The following SCOC variants were observed in gnomAD, a reference collection of about 807,000 sequenced individuals.
SCOC encodes the protein short coiled coil protein.
In SCOC, 7 loss-of-function variants were observed where a neutral mutation model predicts 9.9. The observed-to-expected ratio is 0.71, with a 90% CI of 0.40 to 1.33. The LOEUF is 1.33. Among genes scored for constraint, SCOC ranks in the 40% most tolerant of loss-of-function variants. The pLI, the probability that SCOC is intolerant of heterozygous loss-of-function variation, is 0.01. For missense variants in SCOC, 66 were observed against 89.7 expected (o/e 0.74, Z 1.07); for synonymous variants, 19 against 28.2 (o/e 0.67, Z 1.03).
At chr4:140,302,258 G>A (rs548725004) in intron 1 of SCOC, among the ~76,000 whole-genome samples, 9 of 152,152 alleles carry the variant, frequency 5.9e-5, no homozygotes, top group African/African-American at 2.2e-4. Context: ...TAAGCTCATT[G>A]CATCTCCTGT....
intron 1 of SCOC, chr4:140,374,386 G>T (rs768956933): frequency 7.3e-5 from 23 of 315,912 alleles, no homozygotes; most frequent in Non-Finnish European, 1.3e-4. Flanking sequence ...TGCCATTCCA[G>T]GTTGCCAACA....
intron 2 of SCOC, among the ~76,000 whole-genome samples, chr4:140,345,845 C>A (rs945561007): frequency 2.0e-5 from 3 of 152,138 alleles, no homozygotes; most frequent in African/African-American, 7.2e-5. Flanking sequence ...AGAAAGGAAG[C>A]ATTTCTCAAA....
intron 1 of SCOC, among the ~76,000 whole-genome samples, chr4:140,275,816 GTT>G (rs199643449): frequency 7.5e-6 from 1 of 133,464 alleles, no homozygotes; most frequent in African/African-American, 3.2e-5. Flanking sequence ...ACTCGCTCAG[GTT>G]TGTTTTTTTT....
chr4:140,361,369 TAAA>T (rs1727460590), intron 2 of SCOC, among the ~76,000 whole-genome samples: 2 of 152,270 alleles, frequency 1.3e-5, no homozygotes, highest in South Asian at 4.1e-4. Context: ...AAAACTCTAT[TAAA>T]CTGTATTTTA....
intron 1 of SCOC, among the ~76,000 whole-genome samples, chr4:140,301,657 G>GA (rs1279784558): frequency 6.6e-6 from 1 of 152,194 alleles, no homozygotes; most frequent in African/African-American, 2.4e-5. Flanking sequence ...GCCTGGCTTA[G>GA]AAAATCAGAC....
intron 1 of SCOC, among the ~76,000 whole-genome samples, chr4:140,290,187 G>A (rs954767921): frequency 5.3e-5 from 8 of 152,246 alleles, no homozygotes; most frequent in Non-Finnish European, 1.0e-4. Context: ...CTGCAATTGT[G>A]CTGAATAATA....
intron 1 of SCOC, among the ~76,000 whole-genome samples, chr4:140,294,467 A>G (rs1408816437): frequency 2.0e-5 from 3 of 152,150 alleles, no homozygotes; most frequent in Non-Finnish European, 4.4e-5. Context: ...TACCCAATTC[A>G]TTGTCAGGAA....
chr4:140,369,741 AT>A (rs1727960651), upstream of SCOC, among the ~76,000 whole-genome samples: 2 of 151,602 alleles, frequency 1.3e-5, no homozygotes, highest in South Asian at 4.1e-4. Flanking sequence ...GATGAACTAT[AT>A]TATCAATATT....
At chr4:140,289,939 A>C (rs1731418040) in intron 1 of SCOC, among the ~76,000 whole-genome samples, 1 of 152,234 alleles carries the variant, frequency 6.6e-6, no homozygotes, top group Non-Finnish European at 1.5e-5. Flanking sequence ...TGGGTATTAA[A>C]GTGTGGTGCA....
At position 140,382,381 on chromosome 4, in the gene SCOC, T is replaced by C. The variant is rs1053126291; in HGVS notation, c.*1277T>C. 6.6e-6 allele frequency: 1 copy of C among 152,644 alleles called. No individual in the cohort carries two copies. The highest frequency in any genetic ancestry group is 6.5e-5 in the Admixed American group (1 of 15,290). 9.5% of individuals were successfully genotyped at this position (152,644 alleles called of 1,614,324 possible). A position where few individuals can be genotyped will look rare whatever the true frequency, so the allele number is the denominator to read the frequency against. On this transcript the variant is annotated 3_prime_UTR_variant, in exon 4 of 4. Coordinates refer to ENST00000608372, the MANE Select transcript of SCOC (RefSeq NM_001153484.2). The stretch of plus-strand genomic sequence containing the variant: ...CTTAAGGTTATTAGATTTGGGCTTT[T>C]AATCATGGAATAATCTTATGTATTG...
chr4:140,276,762 C>G (rs1730993575), intron 1 of SCOC, among the ~76,000 whole-genome samples: 1 of 151,294 alleles, frequency 6.6e-6, no homozygotes, highest in Non-Finnish European at 1.5e-5. Flanking sequence ...CAGCCACTCT[C>G]CCAGTTTTAA....
intron 2 of SCOC, among the ~76,000 whole-genome samples, chr4:140,362,304 T>TCCTCTTCCTCTTCCTC (rs1415210513): frequency 5.4e-5 from 3 of 55,140 alleles, no homozygotes; most frequent in African/African-American, 1.2e-4. Flanking sequence ...TTCTTCTTTT[T>TCCTCTTCCTCTTCCTC]TTTTTTTTTT....
At chr4:140,289,435 C>T (rs1181877731) in intron 1 of SCOC, among the ~76,000 whole-genome samples, 2 of 152,196 alleles carry the variant, frequency 1.3e-5, no homozygotes, top group African/African-American at 4.8e-5. Context: ...GCTCCACCCC[C>T]TCATTTCCTT....
chr4:140,312,241 T>G (rs566579384), intron 1 of SCOC, among the ~76,000 whole-genome samples: 4 of 152,246 alleles, frequency 2.6e-5, no homozygotes, highest in Admixed American at 2.6e-4. Context: ...AAATGAGCTG[T>G]GTGGTTCAAA....
upstream of SCOC, among the ~76,000 whole-genome samples, chr4:140,371,528 C>T (rs756096449): frequency 2.0e-5 from 3 of 152,252 alleles, no homozygotes; most frequent in Non-Finnish European, 2.9e-5. Flanking sequence ...CTATATCCCA[C>T]GAACAGTTAC....
intron 1 of SCOC, among the ~76,000 whole-genome samples, chr4:140,288,805 C>T (rs1578774245): frequency 6.6e-6 from 1 of 152,024 alleles, no homozygotes; most frequent in South Asian, 2.1e-4. Context: ...TCACACAGTA[C>T]ACGTAAATAC....
At chr4:140,289,439 T>G (rs1482310275) in intron 1 of SCOC, among the ~76,000 whole-genome samples, 1 of 152,186 alleles carries the variant, frequency 6.6e-6, no homozygotes, top group Non-Finnish European at 1.5e-5. Flanking sequence ...CACCCCCTCA[T>G]TTCCTTCACT....
chr4:140,381,234 C>T lies in SCOC; in HGVS notation c.*130C>T. ...TTATGAAGATAATGTCAGATGTAGACAAAAATAACACAATAACAGGAGACT... is the reference window on the plus strand; with the variant it reads ...TTATGAAGATAATGTCAGATGTAGATAAAAATAACACAATAACAGGAGACT... On this transcript the variant is annotated 3_prime_UTR_variant, in exon 4 of 4. Coordinates refer to ENST00000608372, the MANE Select transcript of SCOC (RefSeq NM_001153484.2). 2 of 828,722 alleles carry T rather than the reference C, an allele frequency of 2.4e-6. No individual in the cohort carries two copies. The highest frequency in any genetic ancestry group is 3.6e-6 in the Non-Finnish European group (2 of 553,872). The allele number at this position is 828,722 out of a possible 1,614,324, so 51.3% of individuals were successfully genotyped here.
chr4:140,322,380 C>T (rs1732526667), intron 1 of SCOC, among the ~76,000 whole-genome samples: 1 of 152,096 alleles, frequency 6.6e-6, no homozygotes, highest in Non-Finnish European at 1.5e-5. Context: ...CCCCAGTCTT[C>T]TTAGAGATTA....
Sources: allele counts gnomAD v4.1 joint callset (sites outside exome capture counted in the v4.1 genomes callset), GRCh38; gene constraint gnomAD v4.1.1; transcripts MANE v1.5; gene names NCBI Gene and HGNC (gene_info 2026-07-23, HGNC 2026-07-21).